The following PLXNA4 variants were observed in gnomAD, a reference collection of about 807,000 sequenced individuals.
PLXNA4 encodes plexin A4.
In PLXNA4, 44 loss-of-function variants were observed where a neutral mutation model predicts 191.8. The ratio of observed to expected loss-of-function variants is 0.23; its 90% confidence interval spans 0.18 to 0.29. The LOEUF (loss-of-function observed/expected upper bound fraction) is 0.29. Among genes scored for constraint, PLXNA4 ranks in the 10% least tolerant of loss-of-function variants. The pLI, the probability that PLXNA4 is intolerant of heterozygous loss-of-function variation, is 1.00. For missense variants in PLXNA4, 1,800 were observed against 2,488.8 expected, an observed-to-expected ratio of 0.72 and a Z score of 5.89; for synonymous variants, 1,082 against 1,009.5, an observed-to-expected ratio of 1.07 and a Z score of -1.36.
chr7:132,525,799 T>G (rs1799378076), intron 1 of PLXNA4, among the ~76,000 whole-genome samples: 1 of 152,184 alleles, frequency 6.6e-6, no homozygotes, highest in Non-Finnish European at 1.5e-5. Flanking sequence ...AAGGGTCCCC[T>G]ATTAAGCAAG....
At chr7:132,639,916 T>C (rs1172641814) in intron 2 of PLXNA4, among the ~76,000 whole-genome samples, 1 of 152,238 alleles carries the variant, frequency 6.6e-6, no homozygotes, top group Non-Finnish European at 1.5e-5. Flanking sequence ...CAGCCCTTTC[T>C]CTAACTGGCT....
chr7:132,620,932 C>T (rs143082370), intron 2 of PLXNA4, among the ~76,000 whole-genome samples: 1 of 152,126 alleles, frequency 6.6e-6, no homozygotes, highest in Non-Finnish European at 1.5e-5. Context: ...TAAAGGCCTG[C>T]TTCTTGGTTT....
At chr7:132,346,098 C>A (rs895093769) in intron 3 of PLXNA4, among the ~76,000 whole-genome samples, 1 of 152,222 alleles carries the variant, frequency 6.6e-6, no homozygotes, top group African/African-American at 2.4e-5. Flanking sequence ...CTTGTTCCCG[C>A]AGACAGCTGT....
In PLXNA4 at chr7:132,198,474, G is replaced by C. The variant is rs1408853731; in HGVS notation, c.2738+11C>G. ...CCCTGTTCCTCCTGTGTTGCATGCA[G>C]CTTCACTTACTGTTCTGCAGGGATG... On this transcript the variant is annotated intron_variant, in intron 13 of 31. Transcript: ENST00000321063. 2.5e-6 allele frequency: 4 copies of C among 1,612,954 alleles called. No individual in the cohort carries two copies. In the Admixed American group the frequency reaches 5.0e-5, roughly 20 times the overall value.
Position 132,173,410 on chromosome 7 carries a change from CAG to C in PLXNA4, c.4017+1366_4017+1367del, listed in dbSNP as rs1314278794. On this transcript the variant is annotated intron_variant, in intron 21 of 31. Transcript: ENST00000321063. ...ACACGCACACAAACACACATATAGA[CAG>C]AGAGAAAAGGTGCCTTGTCGATGAG... 3.9e-5 allele frequency among the ~76,000 whole-genome samples: 6 copies of C among 152,276 alleles called. No individual in the cohort carries two copies. In the East Asian group the frequency reaches 1.2e-3, roughly 29 times the overall value.
intron 4 of PLXNA4, among the ~76,000 whole-genome samples, chr7:132,279,496 T>C (rs955410267): frequency 6.6e-6 from 1 of 152,024 alleles, no homozygotes; most frequent in Non-Finnish European, 1.5e-5. Context: ...TAGCCAGGCA[T>C]GGTGGTATGC....
In PLXNA4 at chr7:132,187,434, C is replaced by T. The variant is rs770494744; in HGVS notation, c.2993+37G>A. Reference sequence around the variant, plus strand: ...AAGTCATTTACCTGTCTAACCTTTCCCTCTCTGGTGCTGCAGAAAGGGGCC... The same window carrying T: ...AAGTCATTTACCTGTCTAACCTTTCTCTCTCTGGTGCTGCAGAAAGGGGCC... On this transcript the variant is annotated intron_variant, in intron 15 of 31. Transcript: ENST00000321063. 13 of 1,597,020 alleles carry T rather than the reference C, an allele frequency of 8.1e-6. No individual in the cohort carries two copies. In the Admixed American group the frequency reaches 2.1e-4, roughly 25 times the overall value.
chr7:132,284,874 C>G (rs1163600220), intron 4 of PLXNA4, among the ~76,000 whole-genome samples: 1 of 152,114 alleles, frequency 6.6e-6, no homozygotes, highest in Admixed American at 6.5e-5. Context: ...ACCACCACGC[C>G]TGGCTAATTT....
intron 1 of PLXNA4, among the ~76,000 whole-genome samples, chr7:132,573,281 C>T (rs528313903): frequency 3.4e-4 from 52 of 152,248 alleles, no homozygotes; most frequent in Admixed American, 2.0e-4. Context: ...ATTGCTGCCG[C>T]CCCCTTGTAA....
chr7:132,221,397 G>C (rs1435107646), intron 9 of PLXNA4, among the ~76,000 whole-genome samples: 1 of 152,204 alleles, frequency 6.6e-6, no homozygotes, highest in Non-Finnish European at 1.5e-5. Context: ...TGGAAAGCTG[G>C]AGAGAAGCTG....
intron 12 of PLXNA4, among the ~76,000 whole-genome samples, chr7:132,200,799 G>A (rs1237822369): frequency 6.6e-6 from 1 of 152,246 alleles, no homozygotes; most frequent in African/African-American, 2.4e-5. Context: ...AATAACCTAG[G>A]AGAACATTAC....
At chr7:132,600,042 G>T (rs1469374099) in intron 2 of PLXNA4, among the ~76,000 whole-genome samples, 1 of 152,106 alleles carries the variant, frequency 6.6e-6, no homozygotes, top group African/African-American at 2.4e-5. Context: ...ACTTGATAAT[G>T]ATGTGTTTGA....
chr7:132,591,695 C>A (rs1464981361), intron 2 of PLXNA4, among the ~76,000 whole-genome samples: 1 of 152,174 alleles, frequency 6.6e-6, no homozygotes, highest in Non-Finnish European at 1.5e-5. Context: ...GGACTTAGCA[C>A]AGGACTAGGA....
At chr7:132,569,178 A>ATACT (rs1801864435) in intron 1 of PLXNA4, among the ~76,000 whole-genome samples, 1 of 152,230 alleles carries the variant, frequency 6.6e-6, no homozygotes, top group Non-Finnish European at 1.5e-5. Context: ...ATTCTGAGAC[A>ATACT]TACTGTTCAC....
chr7:132,479,478 G>A (rs2117467637), intron 3 of PLXNA4, among the ~76,000 whole-genome samples: 1 of 152,238 alleles, frequency 6.6e-6, no homozygotes, highest in East Asian at 1.9e-4. Context: ...ATAGAGCTGG[G>A]TCCCCATGCA....
chr7:132,437,468 G>T (rs1431544248), intron 3 of PLXNA4, among the ~76,000 whole-genome samples: 1 of 151,932 alleles, frequency 6.6e-6, no homozygotes, highest in East Asian at 1.9e-4. Flanking sequence ...GCAATCACTG[G>T]TGATGTGTGG....
chr7:132,180,004 G>A, intron 19 of PLXNA4, 83 bp from the exon 20 acceptor site: 2 of 1,490,024 alleles, frequency 1.3e-6, no homozygotes, highest in East Asian at 2.4e-5. Context: ...ATGAACTAGT[G>A]ACCAGGGCAG....
intron 12 of PLXNA4, among the ~76,000 whole-genome samples, chr7:132,200,811 C>T (rs1684310280): frequency 6.6e-6 from 1 of 152,226 alleles, no homozygotes; most frequent in Admixed American, 6.5e-5. Context: ...GAACATTACT[C>T]AGGAGATCTG....
chr7:132,186,405 C>T (rs1584813014), intron 15 of PLXNA4, among the ~76,000 whole-genome samples: 1 of 152,266 alleles, frequency 6.6e-6, no homozygotes, highest in African/African-American at 2.4e-5. Context: ...TTCCAAATTG[C>T]ATTCTGGGGT....
Sources: gnomAD v4.1 joint callset for allele counts (sites outside exome capture counted in the v4.1 genomes callset) on GRCh38, gnomAD v4.1.1 for gene constraint, MANE v1.5 for transcripts, NCBI Gene and HGNC (gene_info 2026-07-23, HGNC 2026-07-21) for gene names.